Variants in SMPD3 observed in about 807,000 individuals in gnomAD.
SMPD3 encodes nSMase-2.
In SMPD3, 21 loss-of-function variants were observed where a neutral mutation model predicts 55.7. The ratio of observed to expected loss-of-function variants is 0.38; its 90% CI spans 0.27 to 0.54. The LOEUF (loss-of-function observed/expected upper bound fraction) is 0.54. Among genes scored for constraint, SMPD3 ranks in the 20% least tolerant of loss-of-function variants. The probability of loss-of-function intolerance (pLI) is 0.80; values close to 1 mark genes in which losing one functional copy is unlikely to be tolerated. For synonymous variants in SMPD3, 457 were observed against 404.3 expected (o/e 1.13, Z -1.56); for missense variants, 842 against 899.6 (o/e 0.94, Z 0.82).
intron 1 of SMPD3, among the ~76,000 whole-genome samples, chr16:68,398,173 G>A (rs1028297387): frequency 4.6e-5 from 7 of 152,202 alleles, no homozygotes; most frequent in African/African-American, 7.2e-5. Context: ...GAAAAAGGGG[G>A]TCAAGGACAG....
intron 2 of SMPD3, among the ~76,000 whole-genome samples, chr16:68,378,224 G>A (rs1284764590): frequency 2.6e-5 from 4 of 152,216 alleles, no homozygotes; most frequent in African/African-American, 9.6e-5. Context: ...GCCTGCATCC[G>A]CCTGTGGCAC....
chr16:68,405,946 C>T (rs572963862), intron 1 of SMPD3, among the ~76,000 whole-genome samples: 1 of 152,330 alleles, frequency 6.6e-6, no homozygotes, highest in Admixed American at 6.5e-5. Flanking sequence ...GAGCACATTC[C>T]TGATGCTGAA....
intron 1 of SMPD3, among the ~76,000 whole-genome samples, chr16:68,432,846 C>G (rs2090490969): frequency 6.6e-6 from 1 of 152,118 alleles, no homozygotes; most frequent in African/African-American, 2.4e-5. Flanking sequence ...ACAGGGTCAG[C>G]CAGGCTGGAG....
chr16:68,436,472 T>C (rs1183725092), intron 1 of SMPD3, among the ~76,000 whole-genome samples: 19 of 152,154 alleles, frequency 1.2e-4, no homozygotes, highest in Non-Finnish European at 2.4e-4. Context: ...TGCACTGTAA[T>C]TATCTATCTC....
rs755667384 is a variant in SMPD3 at position 68,371,498 on chromosome 16, T to C, written c.684A>G (p.Pro228=). 1 of 1,599,040 alleles carries C rather than the reference T, an allele frequency of 6.3e-7. No individual in the cohort carries two copies. Among genetic ancestry groups the C allele is most frequent in the South Asian group, 1.1e-5 (1 of 90,932 alleles). Residue 228 remains proline (P), a synonymous_variant, in exon 3 of 9, where the codon CCA becomes CCG. Transcript: ENST00000219334. Reference sequence around the variant, plus strand: ...TGCTGTCGACAGGGTCCCCAGAGGCTGGGCCGTTGGCAGCCTCGTCACCGG... The same window carrying C: ...TGCTGTCGACAGGGTCCCCAGAGGCCGGGCCGTTGGCAGCCTCGTCACCGG... The part of the protein sequence containing the change: ...RHPGDEAANG[P]ASGDPVDSSS...
chr16:68,371,390 C>T lies in SMPD3; in HGVS notation c.792G>A (p.Gly264=), dbSNP rs1030076165. The change falls in exon 3 of 9, where the codon GGG becomes GGA. Residue 264 remains glycine (G), a synonymous_variant. Transcript: ENST00000219334. ...RPPEADDPVP[G]GQARNGAGGG... ...CGCCAGCTCCGTTCCTGGCCTGGCCCCCAGGCACAGGGTCGTCAGCTTCAG... is the reference window on the plus strand; with the variant it reads ...CGCCAGCTCCGTTCCTGGCCTGGCCTCCAGGCACAGGGTCGTCAGCTTCAG... 1 of 1,567,296 alleles carries T rather than the reference C, an allele frequency of 6.4e-7. No individual in the cohort carries two copies. The highest frequency in any genetic ancestry group is 8.6e-7 in the Non-Finnish European group (1 of 1,165,930).
At chr16:68,428,413 C>A (rs980522481) in intron 1 of SMPD3, among the ~76,000 whole-genome samples, 3 of 152,244 alleles carry the variant, frequency 2.0e-5, no homozygotes, top group Non-Finnish European at 2.9e-5. Context: ...GCATCCTTCA[C>A]CCCGCTCCTG....
In SMPD3 at chr16:68,363,831, G is replaced by A. The variant is rs1439610632; in HGVS notation, c.1591C>T (p.His531Tyr). 3.2e-6 allele frequency: 5 copies of A among 1,570,270 alleles called. No individual in the cohort carries two copies. The South Asian group carries it at 3.5e-5, about 11-fold the overall frequency. Residue 531 changes from histidine to tyrosine, a missense_variant, in exon 6 of 9, where the codon CAC (histidine) becomes TAC (tyrosine). His to Tyr is a moderately conservative substitution (Grantham distance 83). Transcript: ENST00000219334. ...CCCAGGCGGCAGGGGTCCCTGTAGT[G>A]GGTGAACAGGGAGTGTTGCTGCTCC... is the stretch of plus-strand genomic sequence containing the variant. ...KLEQQHSLFT[H>Y]YRDPCRLGPG... is the part of the protein sequence containing the mutation.
intron 1 of SMPD3, among the ~76,000 whole-genome samples, chr16:68,438,299 C>A (rs374930901): frequency 5.3e-5 from 8 of 152,308 alleles, no homozygotes; most frequent in African/African-American, 1.9e-4. Flanking sequence ...CTACCCTTCT[C>A]CTGCCCAGGG....
At chr16:68,415,082 A>C (rs1044984405) in intron 1 of SMPD3, among the ~76,000 whole-genome samples, 2 of 152,124 alleles carry the variant, frequency 1.3e-5, no homozygotes, top group Non-Finnish European at 2.9e-5. Flanking sequence ...ATCCAGGTGG[A>C]TCCATGAGAA....
At chr16:68,396,487 A>T (rs2090158369) in intron 1 of SMPD3, among the ~76,000 whole-genome samples, 1 of 152,086 alleles carries the variant, frequency 6.6e-6, no homozygotes, top group Non-Finnish European at 1.5e-5. Flanking sequence ...CTGTGTCTGG[A>T]ACACCCTGGT....
intron 1 of SMPD3, among the ~76,000 whole-genome samples, chr16:68,406,448 G>C (rs2090255186): frequency 6.6e-6 from 1 of 152,158 alleles, no homozygotes; most frequent in African/African-American, 2.4e-5. Context: ...TGGCTGGTTG[G>C]GATGGCTGGG....
At chr16:68,392,558 G>A (rs2090120643) in intron 1 of SMPD3, among the ~76,000 whole-genome samples, 2 of 152,084 alleles carry the variant, frequency 1.3e-5, no homozygotes, top group Admixed American at 1.3e-4. Flanking sequence ...TAACATTAGC[G>A]TTCTTATAAG....
chr16:68,408,273 T>A (rs998590157), intron 1 of SMPD3, among the ~76,000 whole-genome samples: 14 of 152,230 alleles, frequency 9.2e-5, no homozygotes, highest in Non-Finnish European at 1.5e-4. Flanking sequence ...CAACCTCATT[T>A]CATGGAAAGA....
At chr16:68,415,804 C>CT (rs5817637) in intron 1 of SMPD3, among the ~76,000 whole-genome samples, 73 of 133,736 alleles carry the variant, frequency 5.5e-4, no homozygotes, top group African/African-American at 1.4e-3. Flanking sequence ...ACCTCTTCAG[C>CT]TTTTTTTTTT....
At position 68,360,802 on chromosome 16, in the gene SMPD3, C is replaced by T. The variant is rs117949548; in HGVS notation, c.*404G>A. 3,451 of 176,636 alleles carry T rather than the reference C, an allele frequency of 0.02. 74 individuals carry two copies. Among genetic ancestry groups the T allele is most frequent in the Non-Finnish European group, 0.027 (2,269 of 82,586 alleles). 10.9% of individuals were successfully genotyped at this position (176,636 alleles called of 1,614,324 possible). ...AGCGTGGCACGTGGCATGCGGGCAGCGTGCATGCGAGGGTGCAGGCATGCG... is the reference window on the plus strand; with the variant it reads ...AGCGTGGCACGTGGCATGCGGGCAGTGTGCATGCGAGGGTGCAGGCATGCG... On this transcript the variant is annotated 3_prime_UTR_variant, in exon 9 of 9. Transcript: ENST00000219334.
intron 1 of SMPD3, among the ~76,000 whole-genome samples, chr16:68,395,248 A>G (rs1041978509): frequency 6.6e-6 from 1 of 152,122 alleles, no homozygotes; most frequent in Admixed American, 6.5e-5. Flanking sequence ...AGAATCAGAG[A>G]TTTTCCCTTT....
chr16:68,445,442 G>A (rs2090602355), intron 1 of SMPD3, among the ~76,000 whole-genome samples: 1 of 152,200 alleles, frequency 6.6e-6, no homozygotes, highest in African/African-American at 2.4e-5. Flanking sequence ...CCATAGAGGT[G>A]AAGACAGCAG....
chr16:68,367,040 T>C (rs183513299), intron 3 of SMPD3, among the ~76,000 whole-genome samples: 2 of 149,492 alleles, frequency 1.3e-5, no homozygotes, highest in East Asian at 3.9e-4. Flanking sequence ...TGGGTGTGCA[T>C]GCCTGTAACC....
Sources: gnomAD v4.1 joint callset for allele counts (sites outside exome capture counted in the v4.1 genomes callset) on GRCh38, gnomAD v4.1.1 for gene constraint, MANE v1.5 for transcripts, NCBI Gene and HGNC (gene_info 2026-07-23, HGNC 2026-07-21) for gene names.